TRAPPC9: variants seen among roughly 807,000 people sequenced by gnomAD.
TRAPPC9 encodes trafficking protein particle complex subunit 9.
TRAPPC9 carries 83 observed loss-of-function variants against 124.0 expected under a neutral mutation model. The ratio of observed to expected loss-of-function variants is 0.67; its 90% CI spans 0.56 to 0.80. The LOEUF is 0.80. TRAPPC9 is among the 30% of genes least tolerant of loss of function. The pLI, the probability that TRAPPC9 is intolerant of heterozygous loss-of-function variation, is 0.00. For missense variants in TRAPPC9, 1,302 were observed against 1,508.3 expected (o/e 0.86, Z 2.27); for synonymous variants, 638 against 617.5 (o/e 1.03, Z -0.49).
At chr8:139,737,956 G>A (rs376553000) in intron 21 of TRAPPC9, among the ~76,000 whole-genome samples, 10 of 152,278 alleles carry the variant, frequency 6.6e-5, no homozygotes, top group East Asian at 5.8e-4. Flanking sequence ...CCTCTCCCGC[G>A]GGCTGGCTGT....
intron 21 of TRAPPC9, among the ~76,000 whole-genome samples, chr8:139,802,080 CCCATT>C (rs1416181161): frequency 1.3e-5 from 2 of 152,196 alleles, no homozygotes; most frequent in Non-Finnish European, 2.9e-5. Context: ...CTTCCTCTAG[CCCATT>C]CCTCTTCCCT....
At chr8:139,877,578 C>T (rs1829402727) in intron 21 of TRAPPC9, among the ~76,000 whole-genome samples, 1 of 152,178 alleles carries the variant, frequency 6.6e-6, no homozygotes, top group Admixed American at 6.5e-5. Flanking sequence ...CCATCAGACC[C>T]TCTGCAGCAG....
chr8:139,817,040 A>C (rs1009816943), intron 21 of TRAPPC9, among the ~76,000 whole-genome samples: 3 of 148,776 alleles, frequency 2.0e-5, no homozygotes, highest in Non-Finnish European at 3.0e-5. Flanking sequence ...GAAGAACATA[A>C]ACTAAACACA....
At chr8:139,880,340 T>G (rs1829600742) in intron 21 of TRAPPC9, among the ~76,000 whole-genome samples, 1 of 152,152 alleles carries the variant, frequency 6.6e-6, no homozygotes, top group African/African-American at 2.4e-5. Context: ...CTGGTGGCCA[T>G]GGCAAGACCC....
At chr8:139,989,799 C>T (rs995202071) in intron 18 of TRAPPC9, among the ~76,000 whole-genome samples, 1 of 152,182 alleles carries the variant, frequency 6.6e-6, no homozygotes, top group Non-Finnish European at 1.5e-5. Context: ...GCCCCAAACG[C>T]GCCGTCCGTG....
At chr8:139,864,476 A>G (rs1330659683) in intron 21 of TRAPPC9, among the ~76,000 whole-genome samples, 2 of 152,220 alleles carry the variant, frequency 1.3e-5, no homozygotes, top group Non-Finnish European at 2.9e-5. Flanking sequence ...TCATTTTCTC[A>G]TTTAAGGGAT....
intron 17 of TRAPPC9, among the ~76,000 whole-genome samples, chr8:140,159,786 T>A (rs1434014811): frequency 6.6e-6 from 1 of 152,192 alleles, no homozygotes; most frequent in African/African-American, 2.4e-5. Context: ...AGGGCAGCCC[T>A]GTGTGGCCAA....
At chr8:140,455,480 G>A (rs2071622662) in intron 1 of TRAPPC9, among the ~76,000 whole-genome samples, 2 of 151,558 alleles carry the variant, frequency 1.3e-5, no homozygotes, top group African/African-American at 4.9e-5. Context: ...CGCCAGGCTG[G>A]AAAGCAGTGG....
At chr8:139,992,065 A>C (rs2131729053) in intron 18 of TRAPPC9, among the ~76,000 whole-genome samples, 1 of 152,366 alleles carries the variant, frequency 6.6e-6, no homozygotes, top group Admixed American at 6.5e-5. Flanking sequence ...ACTTATAAAA[A>C]AAAGCTGAAA....
At chr8:140,421,263 C>T (rs2070193948) in intron 5 of TRAPPC9, among the ~76,000 whole-genome samples, 1 of 152,148 alleles carries the variant, frequency 6.6e-6, no homozygotes, top group South Asian at 2.1e-4. Context: ...TATATAAAGT[C>T]TACCCCCATG....
intron 19 of TRAPPC9, among the ~76,000 whole-genome samples, chr8:139,942,241 G>A (rs76219078): frequency 0.043 from 6,614 of 152,240 alleles, 222 homozygotes; most frequent in Middle Eastern, 0.13. Flanking sequence ...TGCTGAGCAC[G>A]AGGGTTCTCC....
At chr8:139,923,256 G>A (rs944586262) in intron 19 of TRAPPC9, among the ~76,000 whole-genome samples, 1 of 152,268 alleles carries the variant, frequency 6.6e-6, no homozygotes, top group East Asian at 1.9e-4. Flanking sequence ...AATCTTTTTC[G>A]ACAGAAATCT....
chr8:140,371,055 G>A lies in TRAPPC9; in HGVS notation c.1260C>T (p.Ile420=), dbSNP rs753318127. 4 of 1,614,126 alleles carry A rather than the reference G, an allele frequency of 2.5e-6. No individual in the cohort carries two copies. The highest frequency in any genetic ancestry group is 1.7e-5 in the Admixed American group (1 of 60,010). Residue 420 remains isoleucine (I), a synonymous_variant, in exon 8 of 23, where the codon ATC becomes ATT. Transcript: ENST00000438773. ...AGCAGGCCCTCCACCCAGGCTCCGC[G>A]ATGCTTGGGGCCACGCACTGCATGG... ...VAAMQCVAPS[I]AEPGWRACYK...
rs574300840 is a variant in TRAPPC9, at chr8:140,417,201, A to G, written c.886+9414T>C. On this transcript the variant is annotated intron_variant, in intron 5 of 22. Coordinates refer to ENST00000438773, the MANE Select transcript of TRAPPC9 (RefSeq NM_001160372.4). ...AAAACAGCAGTGGCAACAAAAGCCA[A>G]AATTGAGAAATGGGATCTAATTAAA... Among the ~76,000 whole-genome samples, 6 of 152,336 alleles carry G rather than the reference A, an allele frequency of 3.9e-5. No homozygotes were observed. In the South Asian group the frequency reaches 1.2e-3, roughly 32 times the overall value.
chr8:140,447,520 T>C (rs570741642), intron 2 of TRAPPC9, among the ~76,000 whole-genome samples: 1 of 151,900 alleles, frequency 6.6e-6, no homozygotes, highest in East Asian at 1.9e-4. Context: ...AAGCAAAAAT[T>C]AGAAACATAT....
intron 2 of TRAPPC9, among the ~76,000 whole-genome samples, chr8:140,440,941 G>A (rs1414452277): frequency 1.3e-5 from 2 of 148,814 alleles, no homozygotes; most frequent in Non-Finnish European, 3.0e-5. Context: ...TTTGGGTTAA[G>A]TGTCCTTGAT....
intron 21 of TRAPPC9, among the ~76,000 whole-genome samples, chr8:139,739,608 C>T (rs1818426358): frequency 6.6e-6 from 1 of 152,240 alleles, no homozygotes; most frequent in African/African-American, 2.4e-5. Context: ...CTACCAGCTC[C>T]ATCCTGACGG....
At chr8:139,858,530 T>C (rs981747139) in intron 21 of TRAPPC9, among the ~76,000 whole-genome samples, 2 of 152,210 alleles carry the variant, frequency 1.3e-5, no homozygotes, top group Admixed American at 1.3e-4. Context: ...TGCAACTGAC[T>C]CACATCTTCT....
At chr8:140,208,553 C>T (rs1193075934) in intron 17 of TRAPPC9, among the ~76,000 whole-genome samples, 2 of 152,238 alleles carry the variant, frequency 1.3e-5, no homozygotes, top group Non-Finnish European at 2.9e-5. Context: ...AAGTTGCTGG[C>T]ATGATCAGAT....
Sources: gnomAD v4.1 joint callset for allele counts (sites outside exome capture counted in the v4.1 genomes callset) on GRCh38, gnomAD v4.1.1 for gene constraint, MANE v1.5 for transcripts, NCBI Gene and HGNC (gene_info 2026-07-23, HGNC 2026-07-21) for gene names.